The following STEAP4 variants were observed in gnomAD, a reference collection of about 807,000 sequenced individuals.
STEAP4 encodes the protein metalloreductase STEAP4.
Under a neutral mutation model 43.6 loss-of-function variants are expected in STEAP4, and 36 were observed. The observed-to-expected ratio is 0.83, with a 90% CI of 0.63 to 1.09. The LOEUF (loss-of-function observed/expected upper bound fraction) is 1.09. STEAP4 is among the 50% of genes least tolerant of loss of function. The probability of loss-of-function intolerance (pLI) is 0.00; values close to 1 mark genes in which losing one functional copy is unlikely to be tolerated. For missense variants in STEAP4, 495 were observed against 546.5 expected (o/e 0.91, Z 0.94); for synonymous variants, 191 against 196.7 (o/e 0.97, Z 0.24).
chr7:88,299,452 C>A (rs1040633482), intron 1 of STEAP4, among the ~76,000 whole-genome samples: 1 of 152,188 alleles, frequency 6.6e-6, no homozygotes, highest in Non-Finnish European at 1.5e-5. Context: ...CAACTTCTTA[C>A]AAATCTGTGG....
intron 1 of STEAP4, among the ~76,000 whole-genome samples, chr7:88,295,613 GGT>G (rs1353686181): frequency 6.6e-6 from 1 of 152,070 alleles, no homozygotes; most frequent in Non-Finnish European, 1.5e-5. Context: ...TCTTCTTCCT[GGT>G]AACACATTAG....
intron 3 of STEAP4, 161 bp downstream of exon 3, chr7:88,282,480 A>G (rs1180613944): frequency 6.5e-6 from 5 of 771,862 alleles, no homozygotes; most frequent in Non-Finnish European, 1.0e-5. Flanking sequence ...TGAGATCTAA[A>G]CTGGATTCAT....
chr7:88,302,921 T>G (rs577874750), intron 1 of STEAP4, among the ~76,000 whole-genome samples: 1 of 120,812 alleles, frequency 8.3e-6, no homozygotes, highest in Non-Finnish European at 1.6e-5. Context: ...GCTACTGTAC[T>G]CCAGCCTGAG....
In STEAP4 at chr7:88,272,237, G is replaced by A. The variant is rs1332402327; in HGVS notation, c.*7161C>T. On this transcript the variant is annotated 3_prime_UTR_variant, in exon 5 of 5. Transcript: ENST00000380079. ...TAAGCAAGGATTTGGTGGATGAAAAGCACAGTTTCCTTTCCCCTTGATGGG... is the reference window on the plus strand; with the variant it reads ...TAAGCAAGGATTTGGTGGATGAAAAACACAGTTTCCTTTCCCCTTGATGGG... 1.3e-5 allele frequency: 2 copies of A among 152,220 alleles called. No individual in the cohort carries two copies. Among genetic ancestry groups the A allele is most frequent in the Non-Finnish European group, 2.9e-5 (2 of 68,054 alleles). 9.4% of individuals were successfully genotyped at this position (152,220 alleles called of 1,614,324 possible).
intron 1 of STEAP4, among the ~76,000 whole-genome samples, chr7:88,303,562 C>G (rs1413065261): frequency 2.0e-5 from 3 of 151,272 alleles, no homozygotes; most frequent in African/African-American, 7.3e-5. Context: ...AAGTACAGTA[C>G]AGTAAACCTC....
At chr7:88,283,262 G>A in intron 2 of STEAP4, 94 bp from the exon 3 acceptor site, 2 of 1,298,874 alleles carry the variant, frequency 1.5e-6, no homozygotes, top group South Asian at 1.7e-5. Context: ...GCCAAATGAT[G>A]ACGTAAAACA....
At chr7:88,298,510 C>CACACAA (rs1481391461) in intron 1 of STEAP4, among the ~76,000 whole-genome samples, 1 of 147,112 alleles carries the variant, frequency 6.8e-6, no homozygotes, top group African/African-American at 2.5e-5. Context: ...CACACACACA[C>CACACAA]CTTTTACTCC....
chr7:88,293,478 T>A (rs1162410828), intron 1 of STEAP4, among the ~76,000 whole-genome samples: 2 of 152,180 alleles, frequency 1.3e-5, no homozygotes, highest in Non-Finnish European at 2.9e-5. Flanking sequence ...GTCCAATTTA[T>A]TTAATTTTTT....
chr7:88,286,765 ACAC>A (rs751844508), intron 1 of STEAP4, among the ~76,000 whole-genome samples: 6 of 29,866 alleles, frequency 2.0e-4, no homozygotes, highest in Non-Finnish European at 3.6e-4. Context: ...ATACATATAA[ACAC>A]ACACACACAC....
At chr7:88,279,676 A>G in intron 4 of STEAP4, 48 bp from the exon 5 acceptor site, 1 of 1,428,430 alleles carries the variant, frequency 7.0e-7, no homozygotes. Context: ...TTTACATCTT[A>G]AAGTGAAACA....
chr7:88,295,475 G>A (rs201984752), intron 1 of STEAP4, among the ~76,000 whole-genome samples: 1 of 152,070 alleles, frequency 6.6e-6, no homozygotes, highest in African/African-American at 2.4e-5. Context: ...ACTGGTCTAG[G>A]GTAGAGCCTG....
chr7:88,280,635 T>G (rs569090079), intron 4 of STEAP4, among the ~76,000 whole-genome samples: 1 of 152,318 alleles, frequency 6.6e-6, no homozygotes, highest in East Asian at 1.9e-4. Flanking sequence ...GTAAGGTTAA[T>G]TTTTTAGATG....
intron 1 of STEAP4, among the ~76,000 whole-genome samples, chr7:88,301,119 A>G (rs1285653701): frequency 6.6e-6 from 1 of 152,200 alleles, no homozygotes; most frequent in Non-Finnish European, 1.5e-5. Context: ...TCAACTATGA[A>G]AACCAGAGGC....
chr7:88,298,215 A>G (rs1000670094), intron 1 of STEAP4: 2 of 152,040 alleles, frequency 1.3e-5, no homozygotes, highest in African/African-American at 4.8e-5. Context: ...ACATTTAAAG[A>G]TAATTTAATA....
At chr7:88,306,180 A>G (rs1853127477) in intron 1 of STEAP4, among the ~76,000 whole-genome samples, 1 of 152,208 alleles carries the variant, frequency 6.6e-6, no homozygotes. Context: ...CAGTACACCA[A>G]TCTTTTAAAG....
chr7:88,277,882 AT>A lies in STEAP4; in HGVS notation c.*1515del, dbSNP rs1852540061. The A allele has an allele frequency of 6.6e-6, 1 of 152,082 alleles. No homozygotes were observed. Among genetic ancestry groups the A allele is most frequent in the Admixed American group, 6.5e-5 (1 of 15,276 alleles). 9.4% of individuals were successfully genotyped at this position (152,082 alleles called of 1,614,324 possible). A position where few individuals can be genotyped will look rare whatever the true frequency, so the allele number is the denominator to read the frequency against. ...CAAAAAAATAAAAAAGAAAAAAATA[AT>A]AAAAAGGAAAACAAAGCCTTTAGAA... On this transcript the variant is annotated 3_prime_UTR_variant, in exon 5 of 5. Coordinates refer to ENST00000380079, the MANE Select transcript of STEAP4 (RefSeq NM_024636.4).
chr7:88,295,949 A>C (rs1163373622), intron 1 of STEAP4, among the ~76,000 whole-genome samples: 1 of 152,132 alleles, frequency 6.6e-6, no homozygotes, highest in Non-Finnish European at 1.5e-5. Flanking sequence ...AGAAGCTAGA[A>C]TTCCTCTCTT....
At chr7:88,292,685 C>T (rs556417780) in intron 1 of STEAP4, 7 of 152,282 alleles carry the variant, frequency 4.6e-5, no homozygotes, top group Non-Finnish European at 7.4e-5. Context: ...ACTAGACCAT[C>T]CCTCATGCTG....
rs1416838644 is a variant in STEAP4 at position 88,276,396 on chromosome 7, G to A, written c.*3002C>T. ...TAGTAACTTTATTTGGAATGCTGATGAGTTAAAACCAGAATTAAACAAAAC... is the reference window on the plus strand; with the variant it reads ...TAGTAACTTTATTTGGAATGCTGATAAGTTAAAACCAGAATTAAACAAAAC... On this transcript the variant is annotated 3_prime_UTR_variant, in exon 5 of 5. Transcript: ENST00000380079. 6.6e-6 allele frequency: 1 copy of A among 152,286 alleles called. No individual in the cohort carries two copies. The highest frequency in any genetic ancestry group is 2.1e-4 in the South Asian group (1 of 4,832). The allele number at this position is 152,286 out of a possible 1,614,324, so 9.4% of individuals were successfully genotyped here.
Sources: allele counts gnomAD v4.1 joint callset (sites outside exome capture counted in the v4.1 genomes callset), GRCh38; gene constraint gnomAD v4.1.1; transcripts MANE v1.5; gene names NCBI Gene and HGNC (gene_info 2026-07-23, HGNC 2026-07-21).